Variants in NFKBIA observed in about 807,000 individuals in gnomAD.
The protein encoded by NFKBIA is NFKB inhibitor alpha, also known as NF-kappa-B inhibitor alpha.
NFKBIA carries 10 observed loss-of-function variants against 36.3 expected under a neutral mutation model. The ratio of observed to expected loss-of-function variants is 0.28; its 90% confidence interval spans 0.17 to 0.47. NFKBIA has a LOEUF of 0.47. Ranked by LOEUF, NFKBIA falls within the 20% of genes least tolerant of loss-of-function variation. NFKBIA has a pLI of 0.99. For synonymous variants in NFKBIA, 205 were observed against 164.4 expected, an observed-to-expected ratio of 1.25 and a Z score of -1.89; for missense variants, 355 against 399.3, an observed-to-expected ratio of 0.89 and a Z score of 0.94.
intron 1 of NFKBIA, 163 bp downstream of exon 1, chr14:35,404,255 C>T: frequency 4.8e-6 from 2 of 416,680 alleles, no homozygotes; most frequent in South Asian, 5.6e-5. Context: ...GCCCTGCAGC[C>T]CTGCAGCGTT....
At position 35,401,547 on chromosome 14, in the gene NFKBIA, A is replaced by G; in HGVS notation, c.*466T>C. ...ATCTGTTTAATAAATATACATCATA[A>G]AAGTACCAAAATAATTACCAACAAT... On this transcript the variant is annotated 3_prime_UTR_variant, in exon 6 of 6. Transcript: ENST00000216797. 4.4e-6 allele frequency: 1 copy of G among 228,088 alleles called. No homozygotes were observed. The highest frequency in any genetic ancestry group is 8.8e-6 in the Non-Finnish European group (1 of 113,148). 14.1% of individuals were successfully genotyped at this position (228,088 alleles called of 1,614,324 possible). A position where few individuals can be genotyped will look rare whatever the true frequency, so the allele number is the denominator to read the frequency against.
In NFKBIA at chr14:35,402,459, G is replaced by A. The variant is rs756020078; in HGVS notation, c.841C>T (p.Pro281Ser). Residue 281 changes from proline (P) to serine (S), a missense_variant, in exon 5 of 6, where the codon CCA (proline) becomes TCA (serine). By Grantham distance (74) the Pro-to-Ser change is moderately conservative (BLOSUM62 -1). Coordinates refer to ENST00000216797, the MANE Select transcript of NFKBIA (RefSeq NM_020529.3). ...QLTLENLQML[P>S]ESEDEESYDT... ...TAGCTCTCCTCATCCTCACTCTCTGGCAGCATCTGAAGGTTTTCTAGTGTC... is the reference window on the plus strand; with the variant it reads ...TAGCTCTCCTCATCCTCACTCTCTGACAGCATCTGAAGGTTTTCTAGTGTC... 6.2e-7 allele frequency: 1 copy of A among 1,614,156 alleles called. No individual in the cohort carries two copies. Among genetic ancestry groups the A allele is most frequent in the Non-Finnish European group, 8.5e-7 (1 of 1,180,022 alleles).
intron 5 of NFKBIA, among the ~76,000 whole-genome samples, 158 bp downstream of exon 5, chr14:35,402,236 G>C (rs910255618): frequency 4.8e-5 from 1 of 21,026 alleles, no homozygotes; most frequent in Non-Finnish European, 1.7e-4. Context: ...TAAAAAAAGA[G>C]GGGGGGCAGG....
At chr14:35,402,236 G>GTAAGCTATTAAAAAAA (rs1555342770) in intron 5 of NFKBIA, among the ~76,000 whole-genome samples, 158 bp downstream of exon 5, 4 of 21,024 alleles carry the variant, frequency 1.9e-4, no homozygotes, top group Non-Finnish European at 5.1e-4. Flanking sequence ...TAAAAAAAGA[G>GTAAGCTATTAAAAAAA]GGGGGGCAGG....
At chr14:35,403,593 G>A (rs1462814423) in intron 2 of NFKBIA, 97 bp downstream of exon 2, 1 of 910,770 alleles carries the variant, frequency 1.1e-6, no homozygotes, top group Non-Finnish European at 1.8e-6. Context: ...GGTAAATAGT[G>A]CTCAGTGGCC....
In NFKBIA at chr14:35,402,459, G is replaced by T. The variant is rs756020078; in HGVS notation, c.841C>A (p.Pro281Thr). ...QLTLENLQML[P>T]ESEDEESYDT... ...TAGCTCTCCTCATCCTCACTCTCTG[G>T]CAGCATCTGAAGGTTTTCTAGTGTC... Residue 281 changes from proline to threonine, a missense_variant, in exon 5 of 6, where the codon CCA (proline) becomes ACA (threonine). Transcript: ENST00000216797. 7 of 1,614,038 alleles carry T rather than the reference G, an allele frequency of 4.3e-6. No homozygotes were observed. The Admixed American group carries it at 8.3e-5, about 19-fold the overall frequency.
chr14:35,402,945 T>C, intron 3 of NFKBIA, 86 bp from the exon 4 acceptor site: 2 of 1,401,826 alleles, frequency 1.4e-6, no homozygotes, highest in Non-Finnish European at 2.0e-6. Context: ...AGTAGTCTTA[T>C]CTTCTGAATT....
chr14:35,402,249 C>T, intron 5 of NFKBIA, 145 bp downstream of exon 5: 2 of 391,666 alleles, frequency 5.1e-6, no homozygotes, highest in East Asian at 3.6e-5. Context: ...GGGGCAGGTA[C>T]ATTCTTGGGA....
rs1039494165 is a variant in NFKBIA, at chr14:35,401,894, T to A, written c.*119A>T. The stretch of plus-strand genomic sequence containing the variant: ...CAATAAGACGTTTTGGGCCAGGCAG[T>A]GTGCAGTGTGGATATAAGTACACCC... On this transcript the variant is annotated 3_prime_UTR_variant, in exon 6 of 6. Transcript: ENST00000216797. The A allele has an allele frequency of 2.7e-6, 3 of 1,120,098 alleles. No individual in the cohort carries two copies. The highest frequency in any genetic ancestry group is 4.0e-6 in the Non-Finnish European group (3 of 748,028). 69.4% of individuals were successfully genotyped at this position (1,120,098 alleles called of 1,614,324 possible). A position where few individuals can be genotyped will look rare whatever the true frequency, so the allele number is the denominator to read the frequency against.
Position 35,402,045 on chromosome 14 carries a change from A to C in NFKBIA, c.922T>G (p.Cys308Gly), listed in dbSNP as rs1566589712. ...GTCAGACGCTGGCCTCCAAACACAC[A>C]GTCATCATAGGGCAGCTGAAAACAA... ...FTEDELPYDD[C>G]VFGGQRLTL Residue 308 changes from cysteine to glycine, a missense_variant, in exon 6 of 6, where the codon TGT becomes GGT. Coordinates refer to ENST00000216797, the MANE Select transcript of NFKBIA (RefSeq NM_020529.3). 1 of 1,614,084 alleles carries C rather than the reference A, an allele frequency of 6.2e-7. No individual in the cohort carries two copies. The highest frequency in any genetic ancestry group is 8.5e-7 in the Non-Finnish European group (1 of 1,180,018).
intron 3 of NFKBIA, 82 bp from the exon 4 acceptor site, chr14:35,402,941 C>T (rs774053668): frequency 2.4e-4 from 343 of 1,409,306 alleles, no homozygotes; most frequent in Non-Finnish European, 3.2e-4. Flanking sequence ...AACAAGTAGT[C>T]TTATCTTCTG....
chr14:35,402,854 T>C lies in NFKBIA; in HGVS notation c.553A>G (p.Thr185Ala), dbSNP rs760968064. 23 of 1,613,764 alleles carry C rather than the reference T, an allele frequency of 1.4e-5. No individual in the cohort carries two copies. Among genetic ancestry groups the C allele is most frequent in the Non-Finnish European group, 1.6e-5 (19 of 1,179,894 alleles). The change falls in exon 4 of 6, where the codon ACG (threonine) becomes GCG (alanine). Residue 185 changes from threonine (T) to alanine (A), a missense_variant. Transcript: ENST00000216797. ...ILKATNYNGH[T>A]CLHLASIHGY... ...TGGATAGAGGCTAAGTGTAGACACG[T>C]GTGGCCTGGAAGAACAAAAGGAAAA... is the stretch of plus-strand genomic sequence containing the variant.
rs1210534464 is a variant in NFKBIA, at chr14:35,402,658, G to A, written c.642C>T (p.Pro214=). 1.9e-6 allele frequency: 3 copies of A among 1,614,116 alleles called. No homozygotes were observed. The highest frequency in any genetic ancestry group is 2.5e-6 in the Non-Finnish European group (3 of 1,180,058). Reference sequence around the variant, plus strand: ...GGTGAAGGGCAGTCCGGCCATTACAGGGCTCCTGAAACCAAAAGGAATTTG... The same window carrying A: ...GGTGAAGGGCAGTCCGGCCATTACAAGGCTCCTGAAACCAAAAGGAATTTG... ...SLGADVNAQE[P]CNGRTALHLA... The change falls in exon 5 of 6, where the codon CCC becomes CCT. Residue 214 remains proline (P), a synonymous_variant. Transcript: ENST00000216797.
In NFKBIA at chr14:35,403,255, G is replaced by A. The variant is rs371253544; in HGVS notation, c.442C>T (p.Leu148=). The A allele has an allele frequency of 3.0e-5, 49 of 1,613,440 alleles. No individual in the cohort carries two copies. The highest frequency in any genetic ancestry group is 3.7e-5 in the Non-Finnish European group (44 of 1,180,028). The change falls in exon 3 of 6, where the codon CTA becomes TTA. Residue 148 remains leucine (L), a synonymous_variant. Coordinates refer to ENST00000216797, the MANE Select transcript of NFKBIA (RefSeq NM_020529.3). ...ELRDFRGNTP[L]HLACEQGCLA... The stretch of plus-strand genomic sequence containing the variant: ...CAGCCCTGCTCACAGGCAAGGTGTA[G>A]GGGGGTATTTCCTCGAAAGTCTCGG...
intron 1 of NFKBIA, 106 bp from the exon 2 acceptor site, chr14:35,403,904 C>G: frequency 1.2e-6 from 1 of 818,966 alleles, no homozygotes; most frequent in African/African-American, 1.7e-5. Flanking sequence ...TTCTGGAGGC[C>G]GAGGCCGCGG....
At chr14:35,404,322 C>A in intron 1 of NFKBIA, 96 bp downstream of exon 1, 1 of 892,216 alleles carries the variant, frequency 1.1e-6, no homozygotes, top group South Asian at 2.9e-5. Flanking sequence ...CATCGCTGGT[C>A]CCCCGGCTCG....
rs749412088 is a variant in NFKBIA at position 35,402,070 on chromosome 14, A to T, written c.907-10T>A. ...AGTCATCATAGGGCAGCTGAAAACA[A>T]GGGGAAAAAAGACACGTTAAGCTTC... On this transcript the variant is annotated splice_polypyrimidine_tract_variant and intron_variant, in intron 5 of 5. Transcript: ENST00000216797. 1 of 1,614,128 alleles carries T rather than the reference A, an allele frequency of 6.2e-7. No homozygotes were observed. The highest frequency in any genetic ancestry group is 8.5e-7 in the Non-Finnish European group (1 of 1,180,008).
At position 35,402,661 on chromosome 14, in the gene NFKBIA, C is replaced by A. The variant is rs1261057509; in HGVS notation, c.639G>T (p.Glu213Asp). The A allele has an allele frequency of 6.2e-7, 1 of 1,614,222 alleles. No homozygotes were observed. The highest frequency in any genetic ancestry group is 8.5e-7 in the Non-Finnish European group (1 of 1,180,042). Residue 213 changes from glutamate (E) to aspartate (D), a missense_variant and splice_region_variant, in exon 5 of 6, where the codon GAG becomes GAT. Coordinates refer to ENST00000216797, the MANE Select transcript of NFKBIA (RefSeq NM_020529.3). ...GAAGGGCAGTCCGGCCATTACAGGGCTCCTGAAACCAAAAGGAATTTGAGA... is the reference window on the plus strand; with the variant it reads ...GAAGGGCAGTCCGGCCATTACAGGGATCCTGAAACCAAAAGGAATTTGAGA... ...VSLGADVNAQ[E>D]PCNGRTALHL...
In NFKBIA at chr14:35,402,496, C is replaced by G. The variant is rs2052739120; in HGVS notation, c.804G>C (p.Gln268His). 1 of 1,614,104 alleles carries G rather than the reference C, an allele frequency of 6.2e-7. No homozygotes were observed. The highest frequency in any genetic ancestry group is 8.5e-7 in the Non-Finnish European group (1 of 1,180,046). Reference protein sequence around the residue: ...WGRPSTRIQQQLGQLTLENLQ... With the variant: ...WGRPSTRIQQHLGQLTLENLQ... Reference sequence around the variant, plus strand: ...GGTTTTCTAGTGTCAGCTGGCCCAGCTGCTGCTGTATCCGGGTGCTTGGGC... The same window carrying G: ...GGTTTTCTAGTGTCAGCTGGCCCAGGTGCTGCTGTATCCGGGTGCTTGGGC... Residue 268 changes from glutamine (Q) to histidine (H), a missense_variant, in exon 5 of 6, where the codon CAG (glutamine) becomes CAC (histidine). Coordinates refer to ENST00000216797, the MANE Select transcript of NFKBIA (RefSeq NM_020529.3).
Sources: allele counts gnomAD v4.1 joint callset (sites outside exome capture counted in the v4.1 genomes callset), GRCh38; gene constraint gnomAD v4.1.1; transcripts MANE v1.5; gene names NCBI Gene and HGNC (gene_info 2026-07-23, HGNC 2026-07-21).